The following HEATR3 variants were observed in gnomAD, a reference collection of about 807,000 sequenced individuals.
HEATR3 encodes HEAT repeat containing 3.
In HEATR3, 56 loss-of-function variants were observed where a neutral mutation model predicts 72.8. That is an observed-to-expected ratio of 0.77 (90% CI 0.62 to 0.96). The LOEUF is 0.96. Ranked by LOEUF, HEATR3 falls within the 40% of genes least tolerant of loss-of-function variation. HEATR3 has a pLI of 0.00. For missense variants in HEATR3, 747 were observed against 831.4 expected (o/e 0.90, Z 1.25); for synonymous variants, 331 against 318.1 (o/e 1.04, Z -0.43).
intron 6 of HEATR3, among the ~76,000 whole-genome samples, chr16:50,078,355 A>G (rs2036787938): frequency 6.6e-6 from 1 of 152,184 alleles, no homozygotes. Flanking sequence ...TGTCAGACCA[A>G]CCTTGGAATT....
rs2037278687 is a variant in HEATR3, at chr16:50,097,886, T to TGGGTGACAAGA, written c.1600-2342_1600-2332dup. Among the ~76,000 whole-genome samples, 3 of 143,212 alleles carry TGGGTGACAAGA rather than the reference T, an allele frequency of 2.1e-5. No individual in the cohort carries two copies. The South Asian group carries it at 6.6e-4, about 31-fold the overall frequency. The allele number at this position is 143,212 out of a possible 152,430, so 94.0% of individuals were successfully genotyped here. A position where few individuals can be genotyped will look rare whatever the true frequency, so the allele number is the denominator to read the frequency against. Reference sequence around the variant, plus strand: ...GCCAAGATTGCACTGCACTCCAGCCTGGGTGACAAGAGTGTGACAAGAGTG... The same window carrying TGGGTGACAAGA: ...GCCAAGATTGCACTGCACTCCAGCCTGGGTGACAAGAGGGTGACAAGAGTGTGACAAGAGTG... On this transcript the variant is annotated intron_variant, in intron 12 of 14. Coordinates refer to ENST00000299192, the MANE Select transcript of HEATR3 (RefSeq NM_182922.4).
chr16:50,066,353 G>T lies in HEATR3; in HGVS notation c.139-14G>T. 6.4e-7 allele frequency: 1 copy of T among 1,554,580 alleles called. No homozygotes were observed. The highest frequency in any genetic ancestry group is 8.6e-7 in the Non-Finnish European group (1 of 1,160,744). ...CATTGCGCGCCTTCTGACCCTTTTC[G>T]CTCTCATCCGCAGCTCCAGCACCCG... On this transcript the variant is annotated splice_polypyrimidine_tract_variant and intron_variant, in intron 1 of 14. Transcript: ENST00000299192.
chr16:50,094,937 T>C, intron 12 of HEATR3, 144 bp downstream of exon 12: 2 of 488,242 alleles, frequency 4.1e-6, no homozygotes, highest in Non-Finnish European at 3.6e-6. Context: ...ACAAAAGTGA[T>C]TAAAATAAAA....
At chr16:50,088,518 G>A (rs957502000) in intron 11 of HEATR3, among the ~76,000 whole-genome samples, 3 of 152,190 alleles carry the variant, frequency 2.0e-5, no homozygotes, top group Admixed American at 6.5e-5. Flanking sequence ...AGGGCAGGAC[G>A]GGACAAGCAC....
chr16:50,095,591 C>T (rs1043257004), intron 12 of HEATR3, among the ~76,000 whole-genome samples: 1 of 151,748 alleles, frequency 6.6e-6, no homozygotes, highest in African/African-American at 2.4e-5. Flanking sequence ...TTTTTTGAGA[C>T]GGGGTCTTAC....
intron 5 of HEATR3, chr16:50,073,310 G>A (rs530208039): frequency 6.5e-6 from 1 of 152,752 alleles, no homozygotes; most frequent in South Asian, 2.1e-4. Context: ...GGAGGCAGAA[G>A]TCAGAGCATA....
At chr16:50,104,418 T>TG (rs1412586669) in intron 14 of HEATR3, among the ~76,000 whole-genome samples, 1 of 151,678 alleles carries the variant, frequency 6.6e-6, no homozygotes, top group Non-Finnish European at 1.5e-5. Context: ...TTTTTTAAGG[T>TG]GGGGTCTCAC....
rs374977421 is a variant in HEATR3, at chr16:50,084,114, G to A, written c.1133-20G>A. ...ATTTTCTTAACTATTCCAGTTCTGC[G>A]TGGTTTGCCCGCTTCCCAGATCCCT... is the stretch of plus-strand genomic sequence containing the variant. On this transcript the variant is annotated intron_variant, in intron 8 of 14. Transcript: ENST00000299192. The A allele has an allele frequency of 1.5e-5, 25 of 1,614,010 alleles. No homozygotes were observed. In the African/African-American group the frequency reaches 1.7e-4, roughly 11 times the overall value.
chr16:50,066,671 T>A, intron 2 of HEATR3, 132 bp downstream of exon 2: 1 of 857,800 alleles, frequency 1.2e-6, no homozygotes, highest in African/African-American at 1.8e-5. Context: ...TTTGCAGAGA[T>A]TTGAAGCCAG....
rs1344057266 is a variant in HEATR3, at chr16:50,066,027, G to C, written c.-105G>C. 1 of 1,040,658 alleles carries C rather than the reference G, an allele frequency of 9.6e-7. No individual in the cohort carries two copies. Among genetic ancestry groups the C allele is most frequent in the African/African-American group, 1.9e-5 (1 of 52,978 alleles). The allele number at this position is 1,040,658 out of a possible 1,614,324, so 64.5% of individuals were successfully genotyped here. On this transcript the variant is annotated 5_prime_UTR_variant, in exon 1 of 15. Coordinates refer to ENST00000299192, the MANE Select transcript of HEATR3 (RefSeq NM_182922.4). ...CCCATGTGTGCTGCAGCCGTCAGCCGGCCCAGCTGAGCAGCAGCAACGGAC... is the reference window on the plus strand; with the variant it reads ...CCCATGTGTGCTGCAGCCGTCAGCCCGCCCAGCTGAGCAGCAGCAACGGAC...
rs1369726226 is a variant in HEATR3 at position 50,106,450 on chromosome 16, A to G, written c.*1389A>G. Reference sequence around the variant, plus strand: ...TAAAGGGTTATTAGTAGAAAATGAGATGATACTATTCGTGGATATTTGTTT... The same window carrying G: ...TAAAGGGTTATTAGTAGAAAATGAGGTGATACTATTCGTGGATATTTGTTT... On this transcript the variant is annotated 3_prime_UTR_variant, in exon 15 of 15. Coordinates refer to ENST00000299192, the MANE Select transcript of HEATR3 (RefSeq NM_182922.4). The G allele has an allele frequency of 6.6e-6, 1 of 152,214 alleles. No individual in the cohort carries two copies. The highest frequency in any genetic ancestry group is 2.1e-4 in the South Asian group (1 of 4,834). The allele number at this position is 152,214 out of a possible 1,614,324, so 9.4% of individuals were successfully genotyped here.
At chr16:50,100,508 A>T in intron 13 of HEATR3, 135 bp downstream of exon 13, 1 of 787,086 alleles carries the variant, frequency 1.3e-6, no homozygotes, top group Non-Finnish European at 2.1e-6. Context: ...GAGTCATATT[A>T]TTAGAATATA....
intron 11 of HEATR3, among the ~76,000 whole-genome samples, chr16:50,092,436 C>CTTTTTTTTTTTTTTTTT (rs375532097): frequency 9.4e-6 from 1 of 106,030 alleles, no homozygotes; most frequent in African/African-American, 3.7e-5. Context: ...TTTCTTTTTT[C>CTTTTTTTTTTTTTTTTT]TTTTTTTTTT....
chr16:50,082,394 A>G (rs1894971), intron 7 of HEATR3, among the ~76,000 whole-genome samples: 152,196 of 152,276 alleles, frequency 1, 76,058 homozygotes, highest in Middle Eastern at 1. Context: ...ATTTTAAGTG[A>G]ATGAGAGCCC....
chr16:50,075,313 CAAA>C (rs60094512), intron 5 of HEATR3, among the ~76,000 whole-genome samples: 3 of 121,134 alleles, frequency 2.5e-5, no homozygotes, highest in Non-Finnish European at 1.7e-5. Context: ...AAGACTGTCT[CAAA>C]AAAAAAAAAA....
At chr16:50,100,189 G>A in intron 12 of HEATR3, 41 bp from the exon 13 acceptor site, 1 of 1,579,630 alleles carries the variant, frequency 6.3e-7, no homozygotes, top group African/African-American at 1.4e-5. Context: ...AGAATTAATT[G>A]AGTTTAACAT....
At chr16:50,095,313 G>A (rs1272468114) in intron 12 of HEATR3, among the ~76,000 whole-genome samples, 1 of 151,562 alleles carries the variant, frequency 6.6e-6, no homozygotes, top group Non-Finnish European at 1.5e-5. Context: ...TTGCCGTGTG[G>A]CCAGGCTGGT....
rs757935900 is a variant in HEATR3, at chr16:50,068,897, A to G, written c.399+30A>G. On this transcript the variant is annotated intron_variant, in intron 3 of 14. Transcript: ENST00000299192. ...GCAGTTTTTACAGTATCTTGATGGT[A>G]GCTTTTGGGATGCAAACTTAGACTT... 15 of 1,526,424 alleles carry G rather than the reference A, an allele frequency of 9.8e-6. No individual in the cohort carries two copies. In the Admixed American group the frequency reaches 2.7e-4, roughly 28 times the overall value. The allele number at this position is 1,526,424 out of a possible 1,614,324, so 94.6% of individuals were successfully genotyped here. A position where few individuals can be genotyped will look rare whatever the true frequency, so the allele number is the denominator to read the frequency against.
intron 11 of HEATR3, among the ~76,000 whole-genome samples, chr16:50,090,913 G>C (rs572059100): frequency 6.6e-6 from 1 of 152,258 alleles, no homozygotes; most frequent in East Asian, 1.9e-4. Context: ...GATAGGCCAA[G>C]GCAGTTGGAT....
Sources: gnomAD v4.1 joint callset for allele counts (sites outside exome capture counted in the v4.1 genomes callset) on GRCh38, gnomAD v4.1.1 for gene constraint, MANE v1.5 for transcripts, NCBI Gene and HGNC (gene_info 2026-07-23, HGNC 2026-07-21) for gene names.